The following EVA1C variants were observed in gnomAD, a reference collection of about 807,000 sequenced individuals.
EVA1C encodes eva-1 homolog C, also known as protein eva-1 homolog C.
EVA1C carries 25 observed loss-of-function variants against 45.4 expected under a neutral mutation model. The ratio of observed to expected loss-of-function variants is 0.55; its 90% CI spans 0.40 to 0.77. The LOEUF is 0.77. Among genes scored for constraint, EVA1C ranks in the 30% least tolerant of loss-of-function variants. The probability of loss-of-function intolerance (pLI) is 0.00; values close to 1 mark genes in which losing one functional copy is unlikely to be tolerated. For synonymous variants in EVA1C, 190 were observed against 221.2 expected (o/e 0.86, Z 1.25); for missense variants, 479 against 554.8 (o/e 0.86, Z 1.37).
chr21:32,437,153 C>G (rs1258588137), intron 1 of EVA1C, among the ~76,000 whole-genome samples: 2 of 147,818 alleles, frequency 1.4e-5, no homozygotes, highest in African/African-American at 5.1e-5. Flanking sequence ...GAGCGAGACT[C>G]TTTCTCAAAA....
chr21:32,449,300 G>A (rs765683032), intron 1 of EVA1C, among the ~76,000 whole-genome samples: 3 of 152,242 alleles, frequency 2.0e-5, no homozygotes, highest in Non-Finnish European at 4.4e-5. Context: ...GGACAATGAC[G>A]TGGCTCCACC....
intron 4 of EVA1C, among the ~76,000 whole-genome samples, chr21:32,468,752 C>T (rs1192316465): frequency 6.6e-6 from 1 of 152,160 alleles, no homozygotes; most frequent in Non-Finnish European, 1.5e-5. Context: ...TTGTGCCCAC[C>T]AGATTAAGGG....
At chr21:32,491,731 C>G (rs1052007748) in intron 4 of EVA1C, among the ~76,000 whole-genome samples, 1 of 142,604 alleles carries the variant, frequency 7.0e-6, no homozygotes, top group Admixed American at 7.1e-5. Flanking sequence ...AAAGAGAGAA[C>G]CATTTGAAGG....
chr21:32,458,536 G>A (rs1253176249), intron 3 of EVA1C, among the ~76,000 whole-genome samples: 3 of 150,322 alleles, frequency 2.0e-5, no homozygotes, highest in African/African-American at 7.4e-5. Flanking sequence ...AGGCTGGAGT[G>A]CAATGCGCAA....
At chr21:32,449,179 G>T (rs865865249) in intron 1 of EVA1C, among the ~76,000 whole-genome samples, 1 of 152,146 alleles carries the variant, frequency 6.6e-6, no homozygotes, top group Non-Finnish European at 1.5e-5. Context: ...ACCTGAGTGC[G>T]ATATTTGTCA....
rs562373572 is a variant in EVA1C at position 32,481,873 on chromosome 21, T to A, written c.635-13154T>A. Among the ~76,000 whole-genome samples the A allele has an allele frequency of 1.8e-4, 28 of 152,304 alleles. 1 individual carries two copies. The South Asian group carries it at 2.3e-3, about 12-fold the overall frequency. On this transcript the variant is annotated intron_variant, in intron 4 of 7. Coordinates refer to ENST00000300255, the MANE Select transcript of EVA1C (RefSeq NM_058187.5). ...ATTTCCTATATGCAGATTTGGGGCC[T>A]GAATATTTAGTTCATACCACGCTGT...
chr21:32,441,952 G>A (rs1016170133), intron 1 of EVA1C, among the ~76,000 whole-genome samples: 9 of 152,124 alleles, frequency 5.9e-5, no homozygotes, highest in Non-Finnish European at 1.2e-4. Context: ...GACAGCAGAC[G>A]GGGAGAGAGA....
At chr21:32,497,060 A>C (rs1195531702) in intron 5 of EVA1C, 16 of 1,112,816 alleles carry the variant, frequency 1.4e-5, no homozygotes, top group Non-Finnish European at 2.2e-5. Context: ...AATGGAAGGA[A>C]TGTCATTGGA....
chr21:32,467,559 A>G (rs2036218130), intron 3 of EVA1C, 137 bp from the exon 4 acceptor site: 2 of 733,792 alleles, frequency 2.7e-6, no homozygotes, highest in African/African-American at 1.8e-5. Flanking sequence ...CAGAGACAGC[A>G]TGAGCCCACA....
intron 1 of EVA1C, chr21:32,433,179 T>C (rs1382382884): frequency 6.6e-6 from 1 of 152,262 alleles, no homozygotes; most frequent in Non-Finnish European, 1.5e-5. Flanking sequence ...CACTTCAAAG[T>C]GCACTAACGC....
chr21:32,446,357 A>G (rs115743765), intron 1 of EVA1C, among the ~76,000 whole-genome samples: 2,147 of 152,342 alleles, frequency 0.014, 54 homozygotes, highest in African/African-American at 0.049. Context: ...CACAACTGCC[A>G]TCTTCCAGGA....
At chr21:32,423,653 T>C (rs2833803) in intron 1 of EVA1C, among the ~76,000 whole-genome samples, 58,257 of 151,696 alleles carry the variant, frequency 0.38, 11,809 homozygotes, top group African/African-American at 0.51. Context: ...GAATTTCTCA[T>C]CCTTATGTTC....
At chr21:32,486,631 C>A (rs562197292) in intron 4 of EVA1C, among the ~76,000 whole-genome samples, 1 of 152,288 alleles carries the variant, frequency 6.6e-6, no homozygotes, top group South Asian at 2.1e-4. Flanking sequence ...CTGGAAGAAA[C>A]ACTTTCTTGG....
intron 1 of EVA1C, among the ~76,000 whole-genome samples, chr21:32,448,455 C>A (rs2035443563): frequency 6.6e-6 from 1 of 152,196 alleles, no homozygotes; most frequent in Admixed American, 6.5e-5. Context: ...GATCAAGGAA[C>A]AGGACATGAT....
At chr21:32,451,522 ACTGG>A (rs1009568239) in intron 1 of EVA1C, among the ~76,000 whole-genome samples, 2 of 152,158 alleles carry the variant, frequency 1.3e-5, no homozygotes, top group Non-Finnish European at 2.9e-5. Context: ...ATGGAGTCTG[ACTGG>A]CTGCCTGTCT....
At chr21:32,480,417 A>G (rs2036738516) in intron 4 of EVA1C, among the ~76,000 whole-genome samples, 1 of 152,170 alleles carries the variant, frequency 6.6e-6, no homozygotes, top group Non-Finnish European at 1.5e-5. Flanking sequence ...GGGAAAGTGT[A>G]GCATACAAAG....
chr21:32,424,989 TG>T (rs2034432814), intron 1 of EVA1C, among the ~76,000 whole-genome samples: 1 of 152,038 alleles, frequency 6.6e-6, no homozygotes, highest in Non-Finnish European at 1.5e-5. Flanking sequence ...CCCAGGTAGC[TG>T]GGACTACACA....
intron 6 of EVA1C, among the ~76,000 whole-genome samples, chr21:32,501,767 A>G (rs1178292384): frequency 6.6e-6 from 1 of 152,176 alleles, no homozygotes; most frequent in African/African-American, 2.4e-5. Flanking sequence ...TCACTTTGAA[A>G]AGACATCTGC....
intron 1 of EVA1C, among the ~76,000 whole-genome samples, chr21:32,432,729 CTTA>C (rs1273752405): frequency 1.4e-5 from 2 of 147,250 alleles, no homozygotes; most frequent in Non-Finnish European, 3.0e-5. Flanking sequence ...CTTCTGTTCT[CTTA>C]TTTTTAGAGA....
Sources: allele counts gnomAD v4.1 joint callset (sites outside exome capture counted in the v4.1 genomes callset), GRCh38; gene constraint gnomAD v4.1.1; transcripts MANE v1.5; gene names NCBI Gene and HGNC (gene_info 2026-07-23, HGNC 2026-07-21).